Variants in LAMA1 observed in about 807,000 individuals in gnomAD.
LAMA1 encodes laminin subunit alpha 1, also known as laminin subunit alpha-1.
LAMA1 carries 219 observed loss-of-function variants against 348.7 expected under a neutral mutation model. That is an observed-to-expected ratio of 0.63 (90% CI 0.56 to 0.70). The LOEUF is 0.70. LAMA1 is among the 30% of genes least tolerant of loss of function. The pLI is 0.00. For missense variants in LAMA1, 3,744 were observed against 3,888.0 expected (o/e 0.96, Z 0.99); for synonymous variants, 1,487 against 1,491.0 (o/e 1.00, Z 0.06).
intron 36 of LAMA1, among the ~76,000 whole-genome samples, chr18:6,990,628 A>T (rs1188044214): frequency 6.6e-6 from 1 of 152,092 alleles, no homozygotes; most frequent in Non-Finnish European, 1.5e-5. Context: ...TGCCTCTCAA[A>T]TTCGATGCAA....
intron 16 of LAMA1, among the ~76,000 whole-genome samples, chr18:7,027,574 G>GGA (rs375107893): frequency 0.013 from 1,854 of 144,002 alleles, 40 homozygotes; most frequent in African/African-American, 0.042. Flanking sequence ...ACAATCAGGG[G>GGA]AAAAAAAAAA....
rs549577208 is a variant in LAMA1 at position 7,004,876 on chromosome 18, G to A, written c.4260+2263C>T. ...TGAGCTCAAAGAGCAAGGAAGAAGGGACTGAGGCGCTATATTGATGGGAAG... is the reference window on the plus strand; with the variant it reads ...TGAGCTCAAAGAGCAAGGAAGAAGGAACTGAGGCGCTATATTGATGGGAAG... On this transcript the variant is annotated intron_variant, in intron 29 of 62. Transcript: ENST00000389658. Among the ~76,000 whole-genome samples the A allele has an allele frequency of 1.4e-3, 213 of 152,308 alleles. No individual in the cohort carries two copies. The Middle Eastern group carries it at 0.017, about 12-fold the overall frequency.
intron 3 of LAMA1, among the ~76,000 whole-genome samples, chr18:7,066,438 T>C (rs2058123228): frequency 6.6e-6 from 1 of 152,222 alleles, no homozygotes; most frequent in African/African-American, 2.4e-5. Flanking sequence ...AAATCGGTTC[T>C]TTCTCTTTGG....
intron 1 of LAMA1, among the ~76,000 whole-genome samples, chr18:7,098,621 C>T (rs1013941240): frequency 7.5e-4 from 114 of 151,734 alleles, no homozygotes; most frequent in African/African-American, 2.2e-3. Context: ...GGCAACCGCC[C>T]CGTCTGAGAA....
intron 36 of LAMA1, among the ~76,000 whole-genome samples, chr18:6,989,398 T>A (rs1049988929): frequency 6.6e-6 from 1 of 152,184 alleles, no homozygotes; most frequent in South Asian, 2.1e-4. Flanking sequence ...CGACCCAGCA[T>A]GAAAAGTAAT....
chr18:6,972,751 G>A (rs1600360947), intron 47 of LAMA1, among the ~76,000 whole-genome samples: 4 of 152,202 alleles, frequency 2.6e-5, no homozygotes, highest in South Asian at 4.1e-4. Flanking sequence ...GTGCAATGGC[G>A]CGATCTCAGC....
chr18:7,042,327 T>C (rs1365886419), intron 8 of LAMA1, 77 bp from the exon 9 acceptor site: 1 of 883,562 alleles, frequency 1.1e-6, no homozygotes, highest in African/African-American at 1.7e-5. Context: ...TAAGAAGGTA[T>C]TGGCTTTTTA....
chr18:6,985,233 C>T lies in LAMA1; in HGVS notation c.5660+4G>A, dbSNP rs750667336. The stretch of plus-strand genomic sequence containing the variant: ...CTTGAGTTCCCACAAAGGCGTGTTC[C>T]TACCTGTACAGAACATCTGCTAGTC... On this transcript the variant is annotated splice_donor_region_variant and intron_variant, in intron 39 of 62. Transcript: ENST00000389658. 12 of 1,614,058 alleles carry T rather than the reference C, an allele frequency of 7.4e-6. No individual in the cohort carries two copies. Among genetic ancestry groups the T allele is most frequent in the Non-Finnish European group, 1.0e-5 (12 of 1,179,934 alleles).
At chr18:7,026,324 T>G (rs755548570) in intron 16 of LAMA1, among the ~76,000 whole-genome samples, 6 of 152,282 alleles carry the variant, frequency 3.9e-5, no homozygotes, top group Middle Eastern at 3.4e-3. Context: ...CTCTGACTGA[T>G]GAGCATGGAC....
intron 48 of LAMA1, among the ~76,000 whole-genome samples, chr18:6,970,814 T>C (rs2057654972): frequency 6.6e-6 from 1 of 152,120 alleles, no homozygotes; most frequent in Non-Finnish European, 1.5e-5. Context: ...AGTTTCACCA[T>C]ATTGATCAGG....
At chr18:7,034,385 T>C (rs1333528358) in intron 14 of LAMA1, 94 bp downstream of exon 14, 1 of 902,934 alleles carries the variant, frequency 1.1e-6, no homozygotes, top group Non-Finnish European at 1.8e-6. Flanking sequence ...ATATAATGAA[T>C]GTAAAATACG....
Position 6,943,163 on chromosome 18 carries a change from C to A in LAMA1, c.9067+17G>T. On this transcript the variant is annotated intron_variant, in intron 62 of 62. Transcript: ENST00000389658. The stretch of plus-strand genomic sequence containing the variant: ...ACAGTGCCCCTTTTGAGTGGAAGAG[C>A]AGGTACCCGTACATACCAGGATAGC... 6.2e-7 allele frequency: 1 copy of A among 1,606,034 alleles called. No individual in the cohort carries two copies. Among genetic ancestry groups the A allele is most frequent in the Non-Finnish European group, 8.5e-7 (1 of 1,172,820 alleles).
chr18:7,080,684 G>A (rs959944406), intron 1 of LAMA1, among the ~76,000 whole-genome samples: 1 of 152,090 alleles, frequency 6.6e-6, no homozygotes, highest in African/African-American at 2.4e-5. Flanking sequence ...CAGGGGGTGG[G>A]GATTGACTAT....
intron 9 of LAMA1, among the ~76,000 whole-genome samples, chr18:7,040,673 A>G (rs1181658481): frequency 6.6e-6 from 1 of 152,232 alleles, no homozygotes; most frequent in East Asian, 1.9e-4. Flanking sequence ...CCAATAAAAT[A>G]ATGAAAACAT....
intron 22 of LAMA1, among the ~76,000 whole-genome samples, chr18:7,015,382 G>C (rs113355376): frequency 0.018 from 2,755 of 152,126 alleles, 50 homozygotes; most frequent in African/African-American, 0.054. Context: ...TGATCCTCCT[G>C]CCTCAGTCTC....
intron 13 of LAMA1, 100 bp downstream of exon 13, chr18:7,035,887 A>G: frequency 1.0e-6 from 1 of 957,134 alleles, no homozygotes; most frequent in Non-Finnish European, 1.7e-6. Flanking sequence ...CCTGGCCACC[A>G]GCTCCTTGCT....
rs2144091494 is a variant in LAMA1, at chr18:6,999,628, T to C, written c.4480A>G (p.Ser1494Gly). ...EGKHCERCSS[S>G]YYGNPQTPGG... ...GGTGTTTGAGGGTTCCCATAATAGCTTGAGGAGCACCTACAGAAAGGAAGG... is the reference window on the plus strand; with the variant it reads ...GGTGTTTGAGGGTTCCCATAATAGCCTGAGGAGCACCTACAGAAAGGAAGG... The change falls in exon 32 of 63, where the codon AGC (serine) becomes GGC (glycine). Residue 1494 changes from serine (S) to glycine (G), a missense_variant. Physicochemically the swap from Ser to Gly is moderately conservative, Grantham distance 56 (BLOSUM62 0). This residue lies in a region of LAMA1 where 1,983 missense variants were observed against 1,934.3 expected (regional missense o/e 1.03). Transcript: ENST00000389658. 3 of 1,611,844 alleles carry C rather than the reference T, an allele frequency of 1.9e-6. No individual in the cohort carries two copies.
At position 7,028,213 on chromosome 18, in the gene LAMA1, G is replaced by T. The variant is rs183682889; in HGVS notation, c.2275-2107C>A. ...TCTATCATCTGTGGATCAATGTCAC[G>T]TGCAATTAGATTGGCGTGGGAAGCT... On this transcript the variant is annotated intron_variant, in intron 16 of 62. Coordinates refer to ENST00000389658, the MANE Select transcript of LAMA1 (RefSeq NM_005559.4). 5.2e-3 allele frequency among the ~76,000 whole-genome samples: 794 copies of T among 152,250 alleles called. 24 individuals are homozygous for T. Among genetic ancestry groups the T allele is most frequent in the Admixed American group, 0.05 (760 of 15,286 alleles).
intron 6 of LAMA1, among the ~76,000 whole-genome samples, 160 bp downstream of exon 6, chr18:7,046,118 T>C (rs1238600709): frequency 6.6e-6 from 1 of 152,162 alleles, no homozygotes. Flanking sequence ...CAAAATGAAA[T>C]TGTTTAAAAA....
Sources: allele counts gnomAD v4.1 joint callset (sites outside exome capture counted in the v4.1 genomes callset), GRCh38; gene constraint gnomAD v4.1.1; regional missense constraint gnomAD v4.1.1; transcripts MANE v1.5; gene names NCBI Gene and HGNC (gene_info 2026-07-23, HGNC 2026-07-21).